The following MPRIP variants were observed in gnomAD, a reference collection of about 807,000 sequenced individuals.
MPRIP encodes the protein myosin phosphatase Rho interacting protein.
A neutral mutation model predicts 234.9 loss-of-function variants in MPRIP; 59 were observed. The ratio of observed to expected loss-of-function variants is 0.25; its 90% CI spans 0.20 to 0.31. The LOEUF (loss-of-function observed/expected upper bound fraction) is 0.31, where lower values mean the gene tolerates loss of function less well. Among genes scored for constraint, MPRIP ranks in the 10% least tolerant of loss-of-function variants. The pLI, the probability that MPRIP is intolerant of heterozygous loss-of-function variation, is 1.00. For synonymous variants in MPRIP, 1,144 were observed against 1,263.9 expected, an observed-to-expected ratio of 0.91 and a Z score of 2.01; for missense variants, 2,436 against 3,071.0, an observed-to-expected ratio of 0.79 and a Z score of 4.89.
chr17:17,131,096 G>T (rs541862323), intron 4 of MPRIP, among the ~76,000 whole-genome samples: 1 of 152,264 alleles, frequency 6.6e-6, no homozygotes, highest in East Asian at 1.9e-4. Context: ...GGGCAGCTCT[G>T]CCCAGCCTTC....
Position 17,165,386 on chromosome 17 carries a change from T to A in MPRIP, c.3795T>A (p.Asp1265Glu), listed in dbSNP as rs1218117664. The A allele has an allele frequency of 7.7e-7, 1 of 1,304,102 alleles. No individual in the cohort carries two copies. The highest frequency in any genetic ancestry group is 2.3e-5 in the Admixed American group (1 of 43,558). The allele number at this position is 1,304,102 out of a possible 1,614,324, so 80.8% of individuals were successfully genotyped here. A position where few individuals can be genotyped will look rare whatever the true frequency, so the allele number is the denominator to read the frequency against. Reference sequence around the variant, plus strand: ...GCCTCCCACACACAAGGCTCGAGGATGAGGACGAGGACCTGGGGGCTCCTC... The same window carrying A: ...GCCTCCCACACACAAGGCTCGAGGAAGAGGACGAGGACCTGGGGGCTCCTC... Reference protein sequence around the residue: ...PLGLPHTRLEDEDEDLGAPPG... With the variant: ...PLGLPHTRLEEEDEDLGAPPG... Residue 1265 changes from aspartate to glutamate, a missense_variant, in exon 16 of 24, where the codon GAT becomes GAA. Around this residue, in one of 4 missense-constraint regions of MPRIP, gnomAD observed 1,998 missense variants for 2,520.3 expected, o/e 0.79. Coordinates refer to ENST00000651222, the MANE Select transcript of MPRIP (RefSeq NM_001364716.4).
At chr17:17,123,173 C>T (rs1419031111) in intron 3 of MPRIP, among the ~76,000 whole-genome samples, 5 of 152,258 alleles carry the variant, frequency 3.3e-5, no homozygotes, top group African/African-American at 1.2e-4. Context: ...TCCACAGAGG[C>T]AGGAAGCAGG....
chr17:17,164,123 C>T lies in MPRIP; in HGVS notation c.2532C>T (p.Ala844=), dbSNP rs1176423358. Residue 844 remains alanine, a synonymous_variant, in exon 16 of 24, where the codon GCC becomes GCT. Transcript: ENST00000651222. The stretch of plus-strand genomic sequence containing the variant: ...GTTTTTTTAAGACTGAAGTGGCCGC[C>T]TCCCCATCGGGTGCCTGGCAGAGGC... ...EGYVLQTEVA[A]SPSGAWQRLH... 1.5e-6 allele frequency: 2 copies of T among 1,304,036 alleles called. No homozygotes were observed. The highest frequency in any genetic ancestry group is 1.5e-5 in the African/African-American group (1 of 65,836). The allele number at this position is 1,304,036 out of a possible 1,614,324, so 80.8% of individuals were successfully genotyped here. A position where few individuals can be genotyped will look rare whatever the true frequency, so the allele number is the denominator to read the frequency against.
chr17:17,165,361 G>C lies in MPRIP; in HGVS notation c.3770G>C (p.Gly1257Ala). ...QPVQATRAPL[G>A]LPHTRLEDED... ...GTCCAAGCCACTAGGGCACCTCTAG[G>C]CCTCCCACACACAAGGCTCGAGGAT... The change falls in exon 16 of 24, where the codon GGC (glycine) becomes GCC (alanine). Residue 1257 changes from glycine (G) to alanine (A), a missense_variant. By Grantham distance (60) the Gly-to-Ala change is moderately conservative. Transcript: ENST00000651222. 7.7e-7 allele frequency: 1 copy of C among 1,304,150 alleles called. No individual in the cohort carries two copies. The highest frequency in any genetic ancestry group is 5.5e-5 in the East Asian group (1 of 18,032). The allele number at this position is 1,304,150 out of a possible 1,614,324, so 80.8% of individuals were successfully genotyped here.
chr17:17,111,062 T>C (rs1483550405), intron 3 of MPRIP, among the ~76,000 whole-genome samples: 1 of 149,016 alleles, frequency 6.7e-6, no homozygotes, highest in Non-Finnish European at 1.5e-5. Flanking sequence ...GGGTGAGAGG[T>C]GTAGGAGAAC....
At chr17:17,104,722 C>T (rs1781408790) in intron 3 of MPRIP, among the ~76,000 whole-genome samples, 1 of 152,202 alleles carries the variant, frequency 6.6e-6, no homozygotes, top group Non-Finnish European at 1.5e-5. Flanking sequence ...CAGTGCTGTG[C>T]CAGCTAGCTT....
At chr17:17,180,572 G>A in intron 23 of MPRIP, 1 of 1,595,772 alleles carries the variant, frequency 6.3e-7, no homozygotes, top group Non-Finnish European at 8.6e-7. Flanking sequence ...TTTGGGATTG[G>A]TTGTGTGTCT....
intron 11 of MPRIP, among the ~76,000 whole-genome samples, chr17:17,147,860 A>G (rs1189194811): frequency 2.6e-5 from 4 of 152,166 alleles, no homozygotes; most frequent in African/African-American, 9.7e-5. Context: ...GGGCCCCTGG[A>G]CAGTCCTGAT....
chr17:17,145,367 G>GC (rs1319945835), intron 9 of MPRIP, among the ~76,000 whole-genome samples: 2 of 152,228 alleles, frequency 1.3e-5, no homozygotes, highest in Non-Finnish European at 2.9e-5. Context: ...TCTCTGTGGG[G>GC]CCAGCCAGGT....
At chr17:17,168,809 C>T (rs750586202) in intron 16 of MPRIP, 5 of 454,640 alleles carry the variant, frequency 1.1e-5, no homozygotes. Flanking sequence ...TCAGGTGGTG[C>T]CTTCCACGCT....
At chr17:17,136,486 A>G (rs766460914) in intron 6 of MPRIP, 36 bp downstream of exon 6, 23 of 1,575,174 alleles carry the variant, frequency 1.5e-5, no homozygotes, top group Non-Finnish European at 1.7e-5. Flanking sequence ...ATGCACGGGA[A>G]TGGCCCTCCC....
At chr17:17,083,994 G>A (rs2089527662) in intron 3 of MPRIP, among the ~76,000 whole-genome samples, 1 of 152,182 alleles carries the variant, frequency 6.6e-6, no homozygotes, top group Non-Finnish European at 1.5e-5. Context: ...GCCCGCCTCG[G>A]CCTCCCAGAG....
rs1033553373 is a variant in MPRIP, at chr17:17,138,466, A to G, written c.1250+37A>G. ...GTTAGAGGGTTGAACACCCAGGCCC[A>G]CACACATGCACTTCCACCCACGCAC... On this transcript the variant is annotated intron_variant, in intron 7 of 23. Coordinates refer to ENST00000651222, the MANE Select transcript of MPRIP (RefSeq NM_001364716.4). This position sits in a 1 kb window ranked among gnomAD's most constrained non-coding sequence, Gnocchi z 5.8. The G allele has an allele frequency of 5.3e-6, 1 of 190,108 alleles. No individual in the cohort carries two copies. The highest frequency in any genetic ancestry group is 1.1e-5 in the Non-Finnish European group (1 of 93,124). 11.8% of individuals were successfully genotyped at this position (190,108 alleles called of 1,614,324 possible).
chr17:17,161,348 G>A lies in MPRIP; in HGVS notation c.2509G>A (p.Val837Met), dbSNP rs112111794. The change falls in exon 15 of 24, where the codon GTG becomes ATG. Residue 837 changes from valine (V) to methionine (M), a missense_variant. Around this residue, in one of 4 missense-constraint regions of MPRIP, gnomAD observed 1,998 missense variants for 2,520.3 expected, o/e 0.79. Coordinates refer to ENST00000651222, the MANE Select transcript of MPRIP (RefSeq NM_001364716.4). ...GREQSAREGY[V>M]LQTEVAASPS... ...GGAGCAGAGCGCCCGTGAGGGCTAC[G>A]TGCTGCAGGTAGGGTGGAGGGGCTG... 2 of 1,578,098 alleles carry A rather than the reference G, an allele frequency of 1.3e-6. No individual in the cohort carries two copies. The highest frequency in any genetic ancestry group is 1.7e-6 in the Non-Finnish European group (2 of 1,159,028).
Position 17,167,731 on chromosome 17 carries a change from C to A in MPRIP, c.6140C>A (p.Pro2047Gln), listed in dbSNP as rs754209527. The change falls in exon 16 of 24, where the codon CCA becomes CAA. Residue 2047 changes from proline to glutamine, a missense_variant. By Grantham distance (76) the Pro-to-Gln change is moderately conservative (BLOSUM62 -1). This residue lies in a region of MPRIP where 1,998 missense variants were observed against 2,520.3 expected (regional missense o/e 0.79). Coordinates refer to ENST00000651222, the MANE Select transcript of MPRIP (RefSeq NM_001364716.4). This position sits in a 1 kb window ranked among gnomAD's most constrained non-coding sequence, Gnocchi z 5.9. ...CAGGGGCCACACCCCAAGGCCCTGC[C>A]AGCCCCTGCCCCCAACTGGCAGGCC... ...LHQGPHPKALPAPAPNWQATQ... is the reference protein window; with the variant it reads ...LHQGPHPKALQAPAPNWQATQ... The A allele has an allele frequency of 6.8e-4, 891 of 1,304,078 alleles. 1 individual carries two copies. Among genetic ancestry groups the A allele is most frequent in the Non-Finnish European group, 7.9e-4 (777 of 988,966 alleles). 80.8% of individuals were successfully genotyped at this position (1,304,078 alleles called of 1,614,324 possible).
intron 16 of MPRIP, chr17:17,170,894 T>G (rs1294370072): frequency 6.6e-6 from 1 of 152,190 alleles, no homozygotes; most frequent in Admixed American, 6.5e-5. Flanking sequence ...TGTGGCTTGC[T>G]CCCATCCTGG....
chr17:17,075,865 G>C lies in MPRIP; in HGVS notation c.201+78G>C, dbSNP rs1306949904. ...AAGGGTGAACTGGCAGAGTGGAAGA[G>C]GGAGATGGAGAGTTGAACAGTGGAT... is the stretch of plus-strand genomic sequence containing the variant. On this transcript the variant is annotated intron_variant, in intron 2 of 23. Coordinates refer to ENST00000651222, the MANE Select transcript of MPRIP (RefSeq NM_001364716.4). The C allele has an allele frequency of 2.2e-6, 3 of 1,394,548 alleles. No individual in the cohort carries two copies. The African/African-American group carries it at 4.3e-5, about 20-fold the overall frequency. The allele number at this position is 1,394,548 out of a possible 1,614,324, so 86.4% of individuals were successfully genotyped here. A position where few individuals can be genotyped will look rare whatever the true frequency, so the allele number is the denominator to read the frequency against.
In MPRIP at chr17:17,136,268, G is replaced by T. The variant is rs1234801170; in HGVS notation, c.554G>T (p.Ser185Ile). 6.2e-7 allele frequency: 1 copy of T among 1,612,946 alleles called. No homozygotes were observed. The highest frequency in any genetic ancestry group is 2.2e-5 in the East Asian group (1 of 44,850). The change falls in exon 6 of 24, where the codon AGC becomes ATC. Residue 185 changes from serine (S) to isoleucine (I), a missense_variant. By Grantham distance (142) the Ser-to-Ile change is moderately radical. This residue lies in a region of MPRIP where 31 missense variants were observed against 90.7 expected (regional missense o/e 0.34). Transcript: ENST00000651222. ...VAVTSSSSSS[S>I]SSSSIPSAEK... The stretch of plus-strand genomic sequence containing the variant: ...GTTACCAGCAGCAGCAGCAGCAGCA[G>T]CAGCAGCAGCAGCATCCCCAGTGCT...
At chr17:17,175,512 G>C in intron 20 of MPRIP, 100 bp downstream of exon 20, 2 of 1,384,206 alleles carry the variant, frequency 1.4e-6, no homozygotes, top group Non-Finnish European at 1.9e-6. Flanking sequence ...GGGAGGAACA[G>C]ACCTGAGACA....
Sources: gnomAD v4.1 joint callset for allele counts (sites outside exome capture counted in the v4.1 genomes callset) on GRCh38, gnomAD v4.1.1 for gene constraint, gnomAD v4.1.1 regional missense constraint, Gnocchi (gnomAD v3.1) non-coding constraint, MANE v1.5 for transcripts, NCBI Gene and HGNC (gene_info 2026-07-23, HGNC 2026-07-21) for gene names.